Variants in COL10A1 observed in about 807,000 individuals in gnomAD.
The protein encoded by COL10A1 is collagen alpha-1(X) chain.
Under a neutral mutation model 18.2 loss-of-function variants are expected in COL10A1, and 10 were observed. The observed-to-expected ratio is 0.55, with a 90% CI of 0.34 to 0.93. The LOEUF is 0.93. Among genes scored for constraint, COL10A1 ranks in the 40% least tolerant of loss-of-function variants. COL10A1 has a pLI of 0.02. For missense variants in COL10A1, 897 were observed against 853.5 expected (o/e 1.05, Z -0.64); for synonymous variants, 330 against 316.6 (o/e 1.04, Z -0.45).
the COL10A1 span, among the ~76,000 whole-genome samples, chr6:116,184,048 G>A: frequency 5.3e-5 from 8 of 152,146 alleles, no homozygotes; most frequent in East Asian, 1.9e-4. Flanking sequence ...GTCATAGATG[G>A]TTTTTATTAC....
the COL10A1 span, among the ~76,000 whole-genome samples, chr6:116,172,650 A>T: frequency 6.6e-6 from 1 of 152,146 alleles, no homozygotes; most frequent in African/African-American, 2.4e-5. Context: ...CTTTGTAAGG[A>T]AATTGTTTAT....
chr6:116,146,831 G>A (rs1779909693), intron 1 of COL10A1, among the ~76,000 whole-genome samples: 2 of 151,774 alleles, frequency 1.3e-5, no homozygotes, highest in South Asian at 4.2e-4. Context: ...TCAATAAGTG[G>A]TGTTTGGCCT....
chr6:116,146,036 C>T (rs374240359), intron 1 of COL10A1, among the ~76,000 whole-genome samples: 3 of 152,300 alleles, frequency 2.0e-5, no homozygotes, highest in East Asian at 1.9e-4. Context: ...ATGTCCTCCT[C>T]GTTTTCCTAT....
At chr6:116,129,155 TA>T (rs889334473), upstream of COL10A1, among the ~76,000 whole-genome samples, 4 of 152,252 alleles carry the variant, frequency 2.6e-5, no homozygotes, top group African/African-American at 9.6e-5. Context: ...ATCATCGTAT[TA>T]AAAAATCAGC....
At chr6:116,159,162 T>TTTTTGG (rs770782130), upstream of COL10A1, among the ~76,000 whole-genome samples, 1 of 152,170 alleles carries the variant, frequency 6.6e-6, no homozygotes, top group Admixed American at 6.5e-5. Flanking sequence ...CAATGTTTTG[T>TTTTTGG]TTTTGGTTTT....
In COL10A1 at chr6:116,121,810, T is replaced by C. The variant is rs1221132550; in HGVS notation, c.306A>G (p.Pro102=). Residue 102 remains proline, a synonymous_variant, in exon 3 of 3, where the codon CCA becomes CCG. Transcript: ENST00000651968. ...GEPGLPGPPG[P]SAVGKPGVPG... ...GCACACCTGGTTTCCCTACAGCTGATGGTCCCGGTGGTCCTGGCAACCCTG... is the reference window on the plus strand; with the variant it reads ...GCACACCTGGTTTCCCTACAGCTGACGGTCCCGGTGGTCCTGGCAACCCTG... 6.2e-7 allele frequency: 1 copy of C among 1,613,852 alleles called. No homozygotes were observed.
chr6:116,173,806 C>A, the COL10A1 span, among the ~76,000 whole-genome samples: 15 of 152,034 alleles, frequency 9.9e-5, no homozygotes, highest in African/African-American at 3.6e-4. Flanking sequence ...ATTATGGTAC[C>A]TTTGTCACAT....
intron 1 of COL10A1, among the ~76,000 whole-genome samples, chr6:116,155,069 A>T (rs777530894): frequency 2.5e-4 from 38 of 152,194 alleles, no homozygotes; most frequent in Non-Finnish European, 4.7e-4. Flanking sequence ...AGACTTTAAT[A>T]TTAGGCTGGT....
chr6:116,161,784 G>A (rs12525805), upstream of COL10A1, among the ~76,000 whole-genome samples: 77,421 of 151,688 alleles, frequency 0.51, 20,817 homozygotes, highest in African/African-American at 0.69. Flanking sequence ...GTAATTTGAT[G>A]GGAAGTTGCA....
At chr6:116,180,787 A>G in the COL10A1 span, among the ~76,000 whole-genome samples, 9 of 152,060 alleles carry the variant, frequency 5.9e-5, no homozygotes, top group Non-Finnish European at 1.3e-4. Context: ...GAATAAATGG[A>G]AAGAAAAAAG....
chr6:116,149,550 G>GT (rs1165915159), intron 1 of COL10A1, among the ~76,000 whole-genome samples: 1 of 152,184 alleles, frequency 6.6e-6, no homozygotes, highest in Non-Finnish European at 1.5e-5. Flanking sequence ...GAATAGTGAA[G>GT]TACATAATGC....
chr6:116,194,828 CTATTA>C, the COL10A1 span, among the ~76,000 whole-genome samples: 1 of 151,992 alleles, frequency 6.6e-6, no homozygotes, highest in African/African-American at 2.4e-5. Flanking sequence ...CTATTCTTTT[CTATTA>C]TAAGACACTC....
At chr6:116,124,228 G>A (rs866502914) in intron 2 of COL10A1, among the ~76,000 whole-genome samples, 5 of 151,928 alleles carry the variant, frequency 3.3e-5, no homozygotes, top group Non-Finnish European at 5.9e-5. Context: ...GTTCCCAAAA[G>A]CATAATATTT....
the COL10A1 span, among the ~76,000 whole-genome samples, chr6:116,202,959 A>G: frequency 2.0e-5 from 3 of 151,992 alleles, no homozygotes; most frequent in East Asian, 1.9e-4. Context: ...GGGCTGTCTC[A>G]TAATAAACTT....
At chr6:116,156,611 T>C (rs180872755) in intron 1 of COL10A1, among the ~76,000 whole-genome samples, 1 of 152,276 alleles carries the variant, frequency 6.6e-6, no homozygotes, top group African/African-American at 2.4e-5. Context: ...GAGGCAATGG[T>C]AATTTAGAGT....
In COL10A1 at chr6:116,119,947, C is replaced by T; in HGVS notation, c.*126G>A. 1.1e-6 allele frequency: 1 copy of T among 943,168 alleles called. No homozygotes were observed. The highest frequency in any genetic ancestry group is 1.4e-5 in the South Asian group (1 of 70,180). The allele number at this position is 943,168 out of a possible 1,614,324, so 58.4% of individuals were successfully genotyped here. A position where few individuals can be genotyped will look rare whatever the true frequency, so the allele number is the denominator to read the frequency against. ...GGGAAGGTTTGTTGGTCTGATAGCT[C>T]AAATCTGTATTTCAGAAAATAAAAA... is the stretch of plus-strand genomic sequence containing the variant. On this transcript the variant is annotated 3_prime_UTR_variant, in exon 3 of 3. Coordinates refer to ENST00000651968, the MANE Select transcript of COL10A1 (RefSeq NM_000493.4).
chr6:116,155,794 A>G (rs564613401), intron 1 of COL10A1, among the ~76,000 whole-genome samples: 2 of 151,320 alleles, frequency 1.3e-5, no homozygotes, highest in Admixed American at 1.3e-4. Flanking sequence ...TTGTGTGTGT[A>G]CTGAAATGGA....
chr6:116,190,318 A>G, the COL10A1 span, among the ~76,000 whole-genome samples: 143 of 152,102 alleles, frequency 9.4e-4, no homozygotes, highest in African/African-American at 3.3e-3. Context: ...AAAAAATGAG[A>G]TTATTACCAT....
At chr6:116,149,473 C>A (rs1195688033) in intron 1 of COL10A1, among the ~76,000 whole-genome samples, 1 of 152,152 alleles carries the variant, frequency 6.6e-6, no homozygotes, top group Non-Finnish European at 1.5e-5. Context: ...CTAACCTATT[C>A]AAAGGCTACT....
Sources: gnomAD v4.1 joint callset for allele counts (sites outside exome capture counted in the v4.1 genomes callset) on GRCh38, gnomAD v4.1.1 for gene constraint, MANE v1.5 for transcripts, NCBI Gene and HGNC (gene_info 2026-07-23, HGNC 2026-07-21) for gene names.